GORASP1: variants seen among roughly 807,000 people sequenced by gnomAD.
GORASP1 encodes golgi reassembly stacking protein 1.
Under a neutral mutation model 37.7 loss-of-function variants are expected in GORASP1, and 31 were observed. The ratio of observed to expected loss-of-function variants is 0.82; its 90% CI spans 0.62 to 1.11. The LOEUF (loss-of-function observed/expected upper bound fraction) is 1.11, where lower values mean the gene tolerates loss of function less well. Among genes scored for constraint, GORASP1 ranks in the 50% least tolerant of loss-of-function variants. The pLI is 0.00. For synonymous variants in GORASP1, 204 were observed against 224.8 expected (o/e 0.91, Z 0.83); for missense variants, 476 against 560.7 (o/e 0.85, Z 1.53).
rs1257807599 is a variant in GORASP1, at chr3:39,102,023, CAG to C, written c.348+653_348+654del. Among the ~76,000 whole-genome samples the C allele has an allele frequency of 6.6e-6, 1 of 152,110 alleles. No individual in the cohort carries two copies. The highest frequency in any genetic ancestry group is 2.4e-5 in the African/African-American group (1 of 41,368). On this transcript the variant is annotated intron_variant, in intron 3 of 8. Transcript: ENST00000319283. This position sits in a 1 kb window ranked among gnomAD's most constrained non-coding sequence, Gnocchi z 5.0. ...TATTTACAGTCACATTGCTTAATGA[CAG>C]GGATATATTCTGAGAAATGCATTGT...
In GORASP1 at chr3:39,098,926, A is replaced by G. The variant is rs1229899316; in HGVS notation, c.917-33T>C. ...AGGGTGGTGCAGTTCTTTGCCAGCA[A>G]GAAACCCTGACTGCTGGAAAGCAGC... On this transcript the variant is annotated intron_variant, in intron 7 of 8. Coordinates refer to ENST00000319283, the MANE Select transcript of GORASP1 (RefSeq NM_031899.4). The surrounding 1 kb of genome is among the most constrained non-coding windows in gnomAD (Gnocchi z 4.7). 6.2e-7 allele frequency: 1 copy of G among 1,611,598 alleles called. No homozygotes were observed. The highest frequency in any genetic ancestry group is 1.7e-5 in the Admixed American group (1 of 59,928).
chr3:39,101,717 C>G (rs1191552213), intron 3 of GORASP1: 3 of 364,690 alleles, frequency 8.2e-6, no homozygotes, highest in Non-Finnish European at 1.6e-5. Flanking sequence ...CCCTCATGGG[C>G]AGATTAAGGC....
chr3:39,099,183 T>C, intron 7 of GORASP1, 170 bp downstream of exon 7: 1 of 876,334 alleles, frequency 1.1e-6, no homozygotes, highest in East Asian at 2.6e-5. Context: ...CTCTCTTCTC[T>C]GGACTACAGA....
chr3:39,102,929 A>C lies in GORASP1; in HGVS notation c.145-48T>G. The C allele has an allele frequency of 6.4e-7, 1 of 1,562,442 alleles. No homozygotes were observed. The highest frequency in any genetic ancestry group is 1.4e-5 in the African/African-American group (1 of 73,966). On this transcript the variant is annotated intron_variant, in intron 2 of 8. Transcript: ENST00000319283. This position sits in a 1 kb window ranked among gnomAD's most constrained non-coding sequence, Gnocchi z 5.0. ...TCCAAGGCCACCTCATGCCCAGGCT[A>C]GGACCCTCAGACAAGTCTGGGCCTG...
rs2125719584 is a variant in GORASP1, at chr3:39,107,500, G to A, written c.42C>T (p.Ala14=). Residue 14 remains alanine (A), a synonymous_variant, in exon 1 of 9, where the codon GCC becomes GCT. Coordinates refer to ENST00000319283, the MANE Select transcript of GORASP1 (RefSeq NM_031899.4). ...GVSAEQPAGG[A]EGFHLHGVQE... ...TCACCCCGTGGAGGTGGAAGCCCTCGGCGCCGCCTGCGGGCTGCTCAGCGC... is the reference window on the plus strand; with the variant it reads ...TCACCCCGTGGAGGTGGAAGCCCTCAGCGCCGCCTGCGGGCTGCTCAGCGC... 3 of 1,458,460 alleles carry A rather than the reference G, an allele frequency of 2.1e-6. No homozygotes were observed. Among genetic ancestry groups the A allele is most frequent in the South Asian group, 1.3e-5 (1 of 74,258 alleles). The allele number at this position is 1,458,460 out of a possible 1,614,324, so 90.3% of individuals were successfully genotyped here. A position where few individuals can be genotyped will look rare whatever the true frequency, so the allele number is the denominator to read the frequency against.
rs1661702667 is a variant in GORASP1, at chr3:39,102,747, C to T, written c.279G>A (p.Gln93=). The change falls in exon 3 of 9, where the codon CAG becomes CAA. Residue 93 remains glutamine, a synonymous_variant. Transcript: ENST00000319283. This position sits in a 1 kb window ranked among gnomAD's most constrained non-coding sequence, Gnocchi z 5.0. ...AGCGCACACTGGCACCCAGTAGGCC[C>T]TGGCCGCCCCACATGTTGCTGGGCA... ...EVVPSNMWGG[Q]GLLGASVRFC... is the part of the protein sequence containing the mutation. 1 of 1,614,232 alleles carries T rather than the reference C, an allele frequency of 6.2e-7. No individual in the cohort carries two copies.
rs745728264 is a variant in GORASP1 at position 39,098,699 on chromosome 3, G to C, written c.1069+42C>G. ...TTGAGGGCAGCCTTCCCAACAACCC[G>C]GGGTCCTTCCCAGAGGACTTCGGAA... On this transcript the variant is annotated intron_variant, in intron 8 of 8. Coordinates refer to ENST00000319283, the MANE Select transcript of GORASP1 (RefSeq NM_031899.4). The surrounding 1 kb of genome is among the most constrained non-coding windows in gnomAD (Gnocchi z 4.7). The C allele has an allele frequency of 6.2e-7, 1 of 1,601,618 alleles. No homozygotes were observed. Among genetic ancestry groups the C allele is most frequent in the Non-Finnish European group, 8.5e-7 (1 of 1,173,242 alleles).
intron 1 of GORASP1, chr3:39,106,870 C>A (rs892194820): frequency 1.6e-4 from 46 of 284,342 alleles, no homozygotes; most frequent in South Asian, 1.2e-3. Context: ...AAGGCTGGGA[C>A]CCTCCCCAGC....
rs1312329995 is a variant in GORASP1, at chr3:39,102,091, C to T, written c.348+587G>A. Among the ~76,000 whole-genome samples, 1 of 150,386 alleles carries T rather than the reference C, an allele frequency of 6.6e-6. No individual in the cohort carries two copies. The highest frequency in any genetic ancestry group is 1.5e-5 in the Non-Finnish European group (1 of 67,808). On this transcript the variant is annotated intron_variant, in intron 3 of 8. Transcript: ENST00000319283. This position sits in a 1 kb window ranked among gnomAD's most constrained non-coding sequence, Gnocchi z 5.0. Reference sequence around the variant, plus strand: ...TTGTGCAAACATCATAGAACTTAACCTACACATAGCCTACTAGACACCTGG... The same window carrying T: ...TTGTGCAAACATCATAGAACTTAACTTACACATAGCCTACTAGACACCTGG...
In GORASP1 at chr3:39,100,440, G is replaced by C; in HGVS notation, c.630C>G (p.His210Gln). ...HRIPTQPPSY[H>Q]KKPPGTPPPS... is the part of the protein sequence containing the mutation. ...GTGGTGGGGTGCCAGGTGGCTTCTT[G>C]TGGTAGCTGGGGGGCTGAGTTGGGA... is the stretch of plus-strand genomic sequence containing the variant. Residue 210 changes from histidine to glutamine, a missense_variant, in exon 6 of 9, where the codon CAC becomes CAG. His to Gln is a conservative substitution (Grantham distance 24). Transcript: ENST00000319283. The surrounding 1 kb of genome is among the most constrained non-coding windows in gnomAD (Gnocchi z 4.6). 1 of 1,610,884 alleles carries C rather than the reference G, an allele frequency of 6.2e-7. No individual in the cohort carries two copies. The highest frequency in any genetic ancestry group is 8.5e-7 in the Non-Finnish European group (1 of 1,178,280).
Position 39,100,737 on chromosome 3 carries a change from C to T in GORASP1, c.566+10G>A. The T allele has an allele frequency of 6.2e-7, 1 of 1,613,046 alleles. No individual in the cohort carries two copies. The highest frequency in any genetic ancestry group is 8.5e-7 in the Non-Finnish European group (1 of 1,179,894). On this transcript the variant is annotated intron_variant, in intron 5 of 8. Transcript: ENST00000319283. This position sits in a 1 kb window ranked among gnomAD's most constrained non-coding sequence, Gnocchi z 4.6. Reference sequence around the variant, plus strand: ...ACCTGGCCCTGCAGCCCTCCAACCCCACGAAGTACCTGCCCTCTCCACCCC... The same window carrying T: ...ACCTGGCCCTGCAGCCCTCCAACCCTACGAAGTACCTGCCCTCTCCACCCC...
intron 1 of GORASP1, chr3:39,107,262 G>A: frequency 2.0e-6 from 1 of 507,152 alleles, no homozygotes; most frequent in South Asian, 2.1e-5. Context: ...GGCGGGCGCT[G>A]GGCCCGACCG....
chr3:39,103,970 G>A lies in GORASP1; in HGVS notation c.64-417C>T, dbSNP rs1042652202. Among the ~76,000 whole-genome samples, 1 of 152,350 alleles carries A rather than the reference G, an allele frequency of 6.6e-6. No homozygotes were observed. Among genetic ancestry groups the A allele is most frequent in the Admixed American group, 6.5e-5 (1 of 15,312 alleles). ...GGGAGGGCCCTGACGTGCAGTGGAA[G>A]TGGGCAGGCCTCGGGAGGGATACAC... On this transcript the variant is annotated intron_variant, in intron 1 of 8. Transcript: ENST00000319283. This position sits in a 1 kb window ranked among gnomAD's most constrained non-coding sequence, Gnocchi z 5.2.
At chr3:39,107,182 C>G (rs1371734168) in intron 1 of GORASP1, 1 of 532,354 alleles carries the variant, frequency 1.9e-6, no homozygotes, top group African/African-American at 1.9e-5. Context: ...GCATTCTTCA[C>G]CCGGGAGGAG....
chr3:39,098,157 C>G lies in GORASP1; in HGVS notation c.*79G>C. ...CACCAAAGCAGCAAGGAATCCTGACCGCATAGTGCAGCCCGGGCTGCCTGC... is the reference window on the plus strand; with the variant it reads ...CACCAAAGCAGCAAGGAATCCTGACGGCATAGTGCAGCCCGGGCTGCCTGC... On this transcript the variant is annotated 3_prime_UTR_variant, in exon 9 of 9. Transcript: ENST00000319283. This position sits in a 1 kb window ranked among gnomAD's most constrained non-coding sequence, Gnocchi z 4.7. 1.3e-6 allele frequency: 2 copies of G among 1,512,656 alleles called. No homozygotes were observed. Among genetic ancestry groups the G allele is most frequent in the Non-Finnish European group, 1.8e-6 (2 of 1,118,618 alleles). 93.7% of individuals were successfully genotyped at this position (1,512,656 alleles called of 1,614,324 possible).
In GORASP1 at chr3:39,102,024, A is replaced by G. The variant is rs554896601; in HGVS notation, c.348+654T>C. ...ATTTACAGTCACATTGCTTAATGAC[A>G]GGGATATATTCTGAGAAATGCATTG... is the stretch of plus-strand genomic sequence containing the variant. On this transcript the variant is annotated intron_variant, in intron 3 of 8. Transcript: ENST00000319283. This position sits in a 1 kb window ranked among gnomAD's most constrained non-coding sequence, Gnocchi z 5.0. 6.6e-6 allele frequency among the ~76,000 whole-genome samples: 1 copy of G among 152,320 alleles called. No homozygotes were observed. The highest frequency in any genetic ancestry group is 1.5e-5 in the Non-Finnish European group (1 of 68,032).
rs1030820174 is a variant in GORASP1 at position 39,097,997 on chromosome 3, C to T, written c.*239G>A. 6 of 560,020 alleles carry T rather than the reference C, an allele frequency of 1.1e-5. No individual in the cohort carries two copies. The East Asian group carries it at 1.8e-4, about 17-fold the overall frequency. 34.7% of individuals were successfully genotyped at this position (560,020 alleles called of 1,614,324 possible). A position where few individuals can be genotyped will look rare whatever the true frequency, so the allele number is the denominator to read the frequency against. ...ACCTCATCTTCACACTGGATTATGA[C>T]CAGACCCTGCTGCCTCCTGGGAAGC... is the stretch of plus-strand genomic sequence containing the variant. On this transcript the variant is annotated 3_prime_UTR_variant, in exon 9 of 9. Transcript: ENST00000319283.
In GORASP1 at chr3:39,100,264, G is replaced by C; in HGVS notation, c.765+41C>G. 1 of 1,581,328 alleles carries C rather than the reference G, an allele frequency of 6.3e-7. No homozygotes were observed. The highest frequency in any genetic ancestry group is 8.7e-7 in the Non-Finnish European group (1 of 1,150,418). ...GATGGCTCCCCAAGGGCAGCCTCTA[G>C]AGTTTTCTGTCTTCCCAGTTGGCAG... On this transcript the variant is annotated intron_variant, in intron 6 of 8. Coordinates refer to ENST00000319283, the MANE Select transcript of GORASP1 (RefSeq NM_031899.4). The surrounding 1 kb of genome is among the most constrained non-coding windows in gnomAD (Gnocchi z 4.6).
At position 39,098,181 on chromosome 3, in the gene GORASP1, G is replaced by T; in HGVS notation, c.*55C>A. On this transcript the variant is annotated 3_prime_UTR_variant, in exon 9 of 9. Coordinates refer to ENST00000319283, the MANE Select transcript of GORASP1 (RefSeq NM_031899.4). The surrounding 1 kb of genome is among the most constrained non-coding windows in gnomAD (Gnocchi z 4.7). ...CCGCATAGTGCAGCCCGGGCTGCCT[G>T]CCCACATCTGGGCCTCATGAAATGT... is the stretch of plus-strand genomic sequence containing the variant. The T allele has an allele frequency of 6.3e-7, 1 of 1,582,382 alleles. No individual in the cohort carries two copies. The highest frequency in any genetic ancestry group is 8.6e-7 in the Non-Finnish European group (1 of 1,163,040).
Sources: allele counts gnomAD v4.1 joint callset (sites outside exome capture counted in the v4.1 genomes callset), GRCh38; gene constraint gnomAD v4.1.1; non-coding constraint Gnocchi (gnomAD v3.1); transcripts MANE v1.5; gene names NCBI Gene and HGNC (gene_info 2026-07-23, HGNC 2026-07-21).